The following CERS3 variants were observed in gnomAD, a reference collection of about 807,000 sequenced individuals.
The protein encoded by CERS3 is LAG1 homolog, ceramide synthase 3.
Under a neutral mutation model 50.3 loss-of-function variants are expected in CERS3, and 33 were observed. The ratio of observed to expected loss-of-function variants is 0.66; its 90% CI spans 0.50 to 0.88. The LOEUF (loss-of-function observed/expected upper bound fraction) is 0.88, where lower values mean the gene tolerates loss of function less well. Among genes scored for constraint, CERS3 ranks in the 40% least tolerant of loss-of-function variants. CERS3 has a pLI of 0.00. For missense variants in CERS3, 470 were observed against 460.3 expected (o/e 1.02, Z -0.19); for synonymous variants, 176 against 155.2 (o/e 1.13, Z -0.99).
rs562492973 is a variant in CERS3 at position 100,460,285 on chromosome 15, A to T, written c.846-4239T>A. On this transcript the variant is annotated intron_variant, in intron 10 of 11. Transcript: ENST00000679737. The stretch of plus-strand genomic sequence containing the variant: ...CCTCATCTGTAAAATGCGAGCAGAG[A>T]GTACCTACCTTATTTATTCAATAAA... 7.2e-5 allele frequency among the ~76,000 whole-genome samples: 11 copies of T among 152,286 alleles called. No homozygotes were observed. In the East Asian group the frequency reaches 1.9e-3, roughly 27 times the overall value.
intron 11 of CERS3, among the ~76,000 whole-genome samples, chr15:100,442,067 T>C (rs1205590445): frequency 1.3e-5 from 2 of 152,158 alleles, no homozygotes; most frequent in African/African-American, 2.4e-5. Flanking sequence ...AGCCCTCCCC[T>C]ACCTGCCCAG....
intron 10 of CERS3, 51 bp downstream of exon 10, chr15:100,469,327 G>A: frequency 7.1e-7 from 1 of 1,416,048 alleles, no homozygotes; most frequent in South Asian, 1.2e-5. Flanking sequence ...CATGCACTGA[G>A]GCCACCTCTG....
intron 2 of CERS3, among the ~76,000 whole-genome samples, chr15:100,513,092 G>C (rs1391276024): frequency 6.6e-6 from 1 of 152,142 alleles, no homozygotes; most frequent in South Asian, 2.1e-4. Context: ...GTTCCCTTTC[G>C]AGCCAGAGCT....
In CERS3 at chr15:100,461,202, C is replaced by A. The variant is rs187859506; in HGVS notation, c.846-5156G>T. 3.3e-5 allele frequency among the ~76,000 whole-genome samples: 5 copies of A among 152,144 alleles called. No homozygotes were observed. The East Asian group carries it at 5.8e-4, about 18-fold the overall frequency. On this transcript the variant is annotated intron_variant, in intron 10 of 11. Coordinates refer to ENST00000679737, the MANE Select transcript of CERS3 (RefSeq NM_001378789.1). ...ACACCACTAATTTCTTGGCTCGAAA[C>A]CTGCATAAGTCACTGAGCCTTAGTT...
intron 10 of CERS3, among the ~76,000 whole-genome samples, chr15:100,464,617 G>C (rs1330697712): frequency 2.0e-5 from 3 of 152,150 alleles, no homozygotes; most frequent in African/African-American, 7.2e-5. Context: ...GCCTTAGAAA[G>C]GTCTTTCTAG....
chr15:100,502,251 G>GAA (rs58654483), intron 2 of CERS3, among the ~76,000 whole-genome samples: 1,150 of 113,654 alleles, frequency 0.01, 9 homozygotes, highest in East Asian at 0.021. Context: ...CTCAAAAAAA[G>GAA]AAAAAAAAAA....
intron 7 of CERS3, 145 bp from the exon 8 acceptor site, chr15:100,476,323 C>A: frequency 4.5e-6 from 2 of 446,808 alleles, no homozygotes; most frequent in Non-Finnish European, 8.0e-6. Context: ...TATATTTCAA[C>A]GAAGGAATTA....
At chr15:100,504,366 CCCA>C (rs2036110555) in intron 2 of CERS3, among the ~76,000 whole-genome samples, 4 of 151,616 alleles carry the variant, frequency 2.6e-5, no homozygotes, top group African/African-American at 9.7e-5. Context: ...GCCTCAGCCT[CCCA>C]AGTAGCTGGG....
Position 100,469,480 on chromosome 15 carries a change from G to T in CERS3, c.743C>A (p.Ala248Asp), listed in dbSNP as rs747949926. The T allele has an allele frequency of 1.2e-6, 2 of 1,606,904 alleles. No individual in the cohort carries two copies. Among genetic ancestry groups the T allele is most frequent in the Non-Finnish European group, 1.7e-6 (2 of 1,175,984 alleles). ...HDVADIWLES[A>D]KMFSYAGWTQ... Reference sequence around the variant, plus strand: ...CCATCCAGCATAAGAAAACATCTTAGCAGACTGCAAAAAAGAAAGAAACTG... The same window carrying T: ...CCATCCAGCATAAGAAAACATCTTATCAGACTGCAAAAAAGAAAGAAACTG... The change falls in exon 10 of 12, where the codon GCT becomes GAT. Residue 248 changes from alanine to aspartate, a missense_variant. Coordinates refer to ENST00000679737, the MANE Select transcript of CERS3 (RefSeq NM_001378789.1).
chr15:100,490,721 T>TGTGCA, intron 4 of CERS3, 96 bp downstream of exon 4: 2 of 741,432 alleles, frequency 2.7e-6, no homozygotes, highest in Non-Finnish European at 4.7e-6. Context: ...GCTGGTCAAC[T>TGTGCA]AGAATAGATT....
chr15:100,455,160 T>G (rs927761327), intron 11 of CERS3, among the ~76,000 whole-genome samples: 2 of 151,908 alleles, frequency 1.3e-5, no homozygotes, highest in Admixed American at 1.3e-4. Flanking sequence ...ATTAGTACAA[T>G]CTCTATGGAA....
chr15:100,518,255 GAGACAGAGAGAGGGACAAAGAGAA>G (rs1266949591), intron 2 of CERS3, among the ~76,000 whole-genome samples: 9 of 21,134 alleles, frequency 4.3e-4, no homozygotes, highest in African/African-American at 1.2e-3. Flanking sequence ...CAGAATGACT[GAGACAGAGAGAGGGACAAAGAGAA>G]AGAGACAGAG....
chr15:100,468,960 T>C (rs1036647665), intron 10 of CERS3, among the ~76,000 whole-genome samples: 4 of 152,138 alleles, frequency 2.6e-5, no homozygotes, highest in African/African-American at 7.2e-5. Flanking sequence ...AGAGCCAAGA[T>C]ATGGGAAGGA....
chr15:100,521,259 G>T (rs2142385756), intron 2 of CERS3, among the ~76,000 whole-genome samples: 1 of 152,292 alleles, frequency 6.6e-6, no homozygotes, highest in East Asian at 1.9e-4. Flanking sequence ...CATATTTTAT[G>T]ATTTTGAAGG....
intron 3 of CERS3, among the ~76,000 whole-genome samples, chr15:100,493,372 C>A (rs2035707961): frequency 6.6e-6 from 1 of 152,172 alleles, no homozygotes; most frequent in African/African-American, 2.4e-5. Context: ...CATTCCGCCG[C>A]CTTTGGCCTA....
chr15:100,408,471 A>G (rs1373139889), intron 11 of CERS3: 1 of 152,174 alleles, frequency 6.6e-6, no homozygotes, highest in Non-Finnish European at 1.5e-5. Context: ...CATGAAATGC[A>G]TATTTTATCA....
intron 1 of CERS3, among the ~76,000 whole-genome samples, chr15:100,534,191 A>G (rs1490325329): frequency 6.6e-6 from 1 of 152,200 alleles, no homozygotes; most frequent in Non-Finnish European, 1.5e-5. Flanking sequence ...GGGACAGGAC[A>G]GGACTCAACT....
In CERS3 at chr15:100,402,392, C is replaced by G. The variant is rs115118132; in HGVS notation, c.*321G>C. The G allele has an allele frequency of 8.3e-6, 2 of 240,948 alleles. No individual in the cohort carries two copies. Among genetic ancestry groups the G allele is most frequent in the Admixed American group, 1.0e-4 (2 of 19,162 alleles). 14.9% of individuals were successfully genotyped at this position (240,948 alleles called of 1,614,324 possible). A position where few individuals can be genotyped will look rare whatever the true frequency, so the allele number is the denominator to read the frequency against. On this transcript the variant is annotated 3_prime_UTR_variant, in exon 12 of 12. Coordinates refer to ENST00000679737, the MANE Select transcript of CERS3 (RefSeq NM_001378789.1). ...CCTGAGGACAGGCAAGGTGGCGAGG[C>G]GAAAGGGTCTATAACAAAGCGAGCC...
At chr15:100,513,536 TTTTC>T (rs2036407194) in intron 2 of CERS3, among the ~76,000 whole-genome samples, 1 of 30,280 alleles carries the variant, frequency 3.3e-5, no homozygotes, top group African/African-American at 7.4e-5. Context: ...TCTTGTTTTC[TTTTC>T]TTTTTTTTTT....
Sources: allele counts gnomAD v4.1 joint callset (sites outside exome capture counted in the v4.1 genomes callset), GRCh38; gene constraint gnomAD v4.1.1; transcripts MANE v1.5; gene names NCBI Gene and HGNC (gene_info 2026-07-23, HGNC 2026-07-21).